ANP32B: variants seen among roughly 807,000 people sequenced by gnomAD.
ANP32B encodes the protein acidic leucine-rich nuclear phosphoprotein 32 family member B.
In ANP32B, 6 loss-of-function variants were observed where a neutral mutation model predicts 32.2. The observed-to-expected ratio is 0.19, with a 90% confidence interval of 0.10 to 0.37. The LOEUF (loss-of-function observed/expected upper bound fraction) is 0.37. ANP32B is among the 10% of genes least tolerant of loss of function. ANP32B has a pLI of 1.00. For synonymous variants in ANP32B, 98 were observed against 105.8 expected, an observed-to-expected ratio of 0.93 and a Z score of 0.45; for missense variants, 204 against 289.2, an observed-to-expected ratio of 0.71 and a Z score of 2.14.
chr9:97,983,419 C>G lies in ANP32B; in HGVS notation c.-137C>G. 1.4e-6 allele frequency: 1 copy of G among 697,146 alleles called. No homozygotes were observed. Among genetic ancestry groups the G allele is most frequent in the South Asian group, 2.0e-5 (1 of 49,802 alleles). The allele number at this position is 697,146 out of a possible 1,614,324, so 43.2% of individuals were successfully genotyped here. A position where few individuals can be genotyped will look rare whatever the true frequency, so the allele number is the denominator to read the frequency against. ...TCCGCTCGCCTGCCCGCACGCCGCC[C>G]GCCACCCAGGACCGCGCCGCCGGCC... On this transcript the variant is annotated 5_prime_UTR_variant, in exon 1 of 7. Transcript: ENST00000339399.
At chr9:98,003,543 C>A (rs1352361061) in intron 3 of ANP32B, among the ~76,000 whole-genome samples, 1 of 152,146 alleles carries the variant, frequency 6.6e-6, no homozygotes, top group African/African-American at 2.4e-5. Flanking sequence ...GGCCACTGGA[C>A]CACCGGTTCC....
chr9:98,004,231 A>G (rs1828040525), intron 3 of ANP32B, among the ~76,000 whole-genome samples: 1 of 152,226 alleles, frequency 6.6e-6, no homozygotes, highest in Non-Finnish European at 1.5e-5. Flanking sequence ...GTTCCAAAGA[A>G]ATGAGGTATT....
At chr9:97,984,751 GGCCGCC>G (rs1160590934) in intron 1 of ANP32B, 2 of 150,080 alleles carry the variant, frequency 1.3e-5, no homozygotes, top group Non-Finnish European at 3.0e-5. Flanking sequence ...CGCGCGCCGC[GGCCGCC>G]GCCGACTCAT....
At chr9:97,992,668 T>C (rs1316525844) in intron 1 of ANP32B, among the ~76,000 whole-genome samples, 1 of 152,242 alleles carries the variant, frequency 6.6e-6, no homozygotes, top group Non-Finnish European at 1.5e-5. Flanking sequence ...GTATACTGTT[T>C]ACATTGGTGG....
At chr9:98,001,693 T>G (rs1395692123) in intron 3 of ANP32B, among the ~76,000 whole-genome samples, 6 of 152,148 alleles carry the variant, frequency 3.9e-5, no homozygotes, top group Non-Finnish European at 1.5e-5. Flanking sequence ...CCTGATCTGG[T>G]CAGTAATGTA....
intron 1 of ANP32B, 49 bp from the exon 2 acceptor site, chr9:97,994,582 T>C (rs1290824538): frequency 1.3e-6 from 2 of 1,565,752 alleles, no homozygotes; most frequent in African/African-American, 2.8e-5. Context: ...TTGTTGTTTG[T>C]TTTCAATGTG....
chr9:97,997,122 G>A (rs1827918221), intron 2 of ANP32B, among the ~76,000 whole-genome samples: 1 of 152,166 alleles, frequency 6.6e-6, no homozygotes, highest in African/African-American at 2.4e-5. Context: ...TCTAACCACA[G>A]GGTCTAAAAC....
chr9:97,984,856 T>C (rs1184279304), intron 1 of ANP32B, among the ~76,000 whole-genome samples: 1 of 149,436 alleles, frequency 6.7e-6, no homozygotes, highest in African/African-American at 2.4e-5. Context: ...GCGCGCGGGA[T>C]TTTGGGCGGG....
chr9:97,984,769 C>T (rs955713521), intron 1 of ANP32B: 3 of 150,122 alleles, frequency 2.0e-5, no homozygotes, highest in Non-Finnish European at 3.0e-5. Context: ...CCGACTCATC[C>T]CGTCGCGGGC....
intron 1 of ANP32B, among the ~76,000 whole-genome samples, chr9:97,984,112 G>T (rs1476738819): frequency 6.7e-6 from 1 of 149,880 alleles, no homozygotes; most frequent in African/African-American, 2.4e-5. Context: ...GGAGCTCGCC[G>T]TGGGCGCCGG....
rs538767771 is a variant in ANP32B at position 98,012,307 on chromosome 9, CTTGA to C, written c.637-108_637-105del. The stretch of plus-strand genomic sequence containing the variant: ...ATAAAAATAACATTACAGTTTCCTG[CTTGA>C]TTGATATTGTTGCATTTATTTGTAC... On this transcript the variant is annotated intron_variant, in intron 5 of 6. Coordinates refer to ENST00000339399, the MANE Select transcript of ANP32B (RefSeq NM_006401.3). 47 of 1,212,770 alleles carry C rather than the reference CTTGA, an allele frequency of 3.9e-5. 1 individual carries two copies. In the East Asian group the frequency reaches 1.1e-3, roughly 28 times the overall value. 75.1% of individuals were successfully genotyped at this position (1,212,770 alleles called of 1,614,324 possible). A position where few individuals can be genotyped will look rare whatever the true frequency, so the allele number is the denominator to read the frequency against.
chr9:97,985,861 G>C (rs1161876704), intron 1 of ANP32B, among the ~76,000 whole-genome samples: 2 of 150,752 alleles, frequency 1.3e-5, no homozygotes, highest in Non-Finnish European at 3.0e-5. Flanking sequence ...TCTCTCTCTT[G>C]CCCAGGCTGG....
intron 3 of ANP32B, among the ~76,000 whole-genome samples, chr9:98,004,103 A>T (rs918459999): frequency 6.6e-6 from 1 of 152,218 alleles, no homozygotes; most frequent in Non-Finnish European, 1.5e-5. Context: ...CTGATATAAT[A>T]ACAAATGAAG....
intron 6 of ANP32B, 57 bp from the exon 7 acceptor site, chr9:98,015,307 A>G (rs1828255990): frequency 5.2e-6 from 8 of 1,541,440 alleles, no homozygotes; most frequent in East Asian, 2.5e-5. Context: ...TCCATTGGCA[A>G]TAATCTAAGC....
At chr9:97,988,086 T>A (rs1827766991) in intron 1 of ANP32B, among the ~76,000 whole-genome samples, 1 of 152,036 alleles carries the variant, frequency 6.6e-6, no homozygotes, top group African/African-American at 2.4e-5. Flanking sequence ...TTAAATTTTT[T>A]CTAAACTTGG....
intron 3 of ANP32B, among the ~76,000 whole-genome samples, chr9:98,000,921 CAAA>C (rs543121018): frequency 7.5e-5 from 7 of 93,928 alleles, no homozygotes; most frequent in African/African-American, 1.6e-4. Context: ...GACTCCATCT[CAAA>C]AAAAAAAAAA....
chr9:97,994,595 T>C (rs1476916693), intron 1 of ANP32B, 36 bp from the exon 2 acceptor site: 1 of 1,561,494 alleles, frequency 6.4e-7, no homozygotes, highest in Non-Finnish European at 8.6e-7. Flanking sequence ...TCAATGTGTT[T>C]TTGAGAGCTT....
chr9:97,990,337 C>T (rs559086905), intron 1 of ANP32B, among the ~76,000 whole-genome samples: 53 of 152,208 alleles, frequency 3.5e-4, no homozygotes, highest in Non-Finnish European at 7.5e-4. Flanking sequence ...TCATCAAGGT[C>T]CTGTTAAGAA....
At chr9:98,003,462 T>A (rs1459698538) in intron 3 of ANP32B, among the ~76,000 whole-genome samples, 1 of 152,122 alleles carries the variant, frequency 6.6e-6, no homozygotes, top group Non-Finnish European at 1.5e-5. Flanking sequence ...TAAGGAGCCA[T>A]ACATAAATAA....
Sources: allele counts gnomAD v4.1 joint callset (sites outside exome capture counted in the v4.1 genomes callset), GRCh38; gene constraint gnomAD v4.1.1; transcripts MANE v1.5; gene names NCBI Gene and HGNC (gene_info 2026-07-23, HGNC 2026-07-21).